ZNF609: variants seen among roughly 807,000 people sequenced by gnomAD.
ZNF609 encodes zinc finger protein 609.
Under a neutral mutation model 109.5 loss-of-function variants are expected in ZNF609, and 11 were observed. The ratio of observed to expected loss-of-function variants is 0.10; its 90% confidence interval spans 0.06 to 0.17. ZNF609 has a LOEUF of 0.17. Ranked by LOEUF, ZNF609 falls within the 10% of genes least tolerant of loss-of-function variation. The pLI is 1.00. For missense variants in ZNF609, 1,559 were observed against 1,772.4 expected, an observed-to-expected ratio of 0.88 and a Z score of 2.16; for synonymous variants, 646 against 662.0, an observed-to-expected ratio of 0.98 and a Z score of 0.37.
rs1434667226 is a variant in ZNF609, at chr15:64,579,565, T to A, written c.748-43262T>A. ...GTCTCTACTAAAAGTACAAAAAAAA[T>A]TAGGTGTGGTGGTAGGTGCCTGTAG... On this transcript the variant is annotated intron_variant, in intron 2 of 9. Transcript: ENST00000326648. 2.0e-5 allele frequency among the ~76,000 whole-genome samples: 3 copies of A among 151,350 alleles called. No individual in the cohort carries two copies. The East Asian group carries it at 5.8e-4, about 29-fold the overall frequency.
chr15:64,586,089 C>T (rs1201571677), intron 2 of ZNF609, among the ~76,000 whole-genome samples: 1 of 152,122 alleles, frequency 6.6e-6, no homozygotes, highest in East Asian at 1.9e-4. Context: ...CTTTGGGAGG[C>T]TGAGGAGGGC....
rs1376314378 is a variant in ZNF609, at chr15:64,682,445, T to C, written c.*759T>C. ...CTCCCCAGGGACACTGGGAGCAAGC[T>C]GGTGCTGGAGCATGAATGACGTCTG... On this transcript the variant is annotated 3_prime_UTR_variant, in exon 10 of 10. Transcript: ENST00000326648. The C allele has an allele frequency of 6.5e-6, 1 of 152,694 alleles. No homozygotes were observed. The highest frequency in any genetic ancestry group is 1.5e-5 in the Non-Finnish European group (1 of 68,066). 9.5% of individuals were successfully genotyped at this position (152,694 alleles called of 1,614,324 possible).
chr15:64,573,479 C>T (rs759540553), intron 2 of ZNF609, among the ~76,000 whole-genome samples: 43 of 150,724 alleles, frequency 2.9e-4, no homozygotes, highest in Middle Eastern at 3.4e-3. Context: ...CTCAGCCTCC[C>T]GAGTAGCTGG....
At chr15:64,581,613 G>T (rs900206105) in intron 2 of ZNF609, among the ~76,000 whole-genome samples, 1 of 152,120 alleles carries the variant, frequency 6.6e-6, no homozygotes, top group Admixed American at 6.5e-5. Context: ...CCCTGGGAAT[G>T]AAGCTTCACA....
chr15:64,564,305 G>A (rs1029055979), intron 2 of ZNF609, among the ~76,000 whole-genome samples: 1 of 152,060 alleles, frequency 6.6e-6, no homozygotes, highest in Non-Finnish European at 1.5e-5. Flanking sequence ...TAAGGGTAGG[G>A]GGGACTACTG....
chr15:64,517,570 C>T (rs1408798593), intron 2 of ZNF609, among the ~76,000 whole-genome samples: 1 of 151,950 alleles, frequency 6.6e-6, no homozygotes, highest in Non-Finnish European at 1.5e-5. Context: ...TGTGCTGGCA[C>T]TTAGGATAAA....
At chr15:64,664,418 A>G (rs1896619437) in intron 3 of ZNF609, among the ~76,000 whole-genome samples, 1 of 152,170 alleles carries the variant, frequency 6.6e-6, no homozygotes, top group Non-Finnish European at 1.5e-5. Context: ...CTAGAGAAAC[A>G]CGGAGCACTA....
chr15:64,600,294 C>T (rs1462157285), intron 2 of ZNF609, among the ~76,000 whole-genome samples: 1 of 151,390 alleles, frequency 6.6e-6, no homozygotes, highest in Non-Finnish European at 1.5e-5. Context: ...ACTAAAAATA[C>T]AAAAAATTAG....
chr15:64,631,236 T>G, intron 3 of ZNF609: 2 of 641,230 alleles, frequency 3.1e-6, no homozygotes, highest in South Asian at 2.9e-5. Context: ...CTCTTTGGCT[T>G]CTTTCTTTTT....
At chr15:64,516,797 T>A (rs1893818210) in intron 2 of ZNF609, among the ~76,000 whole-genome samples, 1 of 152,224 alleles carries the variant, frequency 6.6e-6, no homozygotes, top group African/African-American at 2.4e-5. Flanking sequence ...TGGTTCCTTA[T>A]AATTGCATTT....
intron 2 of ZNF609, among the ~76,000 whole-genome samples, chr15:64,528,381 T>A (rs549520481): frequency 7.3e-5 from 11 of 150,040 alleles, no homozygotes; most frequent in Non-Finnish European, 1.2e-4. Flanking sequence ...TTTAAAAAAA[T>A]TTATTATTAT....
At chr15:64,650,299 C>T (rs1489114064) in intron 3 of ZNF609, among the ~76,000 whole-genome samples, 2 of 151,172 alleles carry the variant, frequency 1.3e-5, no homozygotes, top group African/African-American at 4.9e-5. Context: ...CACCTGTAGT[C>T]CCAGCTACTT....
At chr15:64,520,637 C>G (rs1199736537) in intron 2 of ZNF609, among the ~76,000 whole-genome samples, 1 of 151,200 alleles carries the variant, frequency 6.6e-6, no homozygotes, top group African/African-American at 2.4e-5. Flanking sequence ...TTTTTTTTCC[C>G]ACACGTTCTG....
rs76300921 is a variant in ZNF609, at chr15:64,668,131, A to C, written c.974-2215A>C. Among the ~76,000 whole-genome samples the C allele has an allele frequency of 5.9e-3, 904 of 152,332 alleles. 6 individuals carry two copies. The highest frequency in any genetic ancestry group is 0.019 in the African/African-American group (785 of 41,568). On this transcript the variant is annotated intron_variant, in intron 3 of 9. Transcript: ENST00000326648. ...GTGATGAGACAGAGAAAGGGGAAAA[A>C]GTAATAACAAAGACATTCCACTCAA...
chr15:64,589,289 C>T (rs947599488), intron 2 of ZNF609, among the ~76,000 whole-genome samples: 5 of 152,138 alleles, frequency 3.3e-5, no homozygotes, highest in African/African-American at 1.2e-4. Flanking sequence ...CTACTGATAT[C>T]AGGCTAATCA....
chr15:64,517,184 T>A (rs1035430717), intron 2 of ZNF609, among the ~76,000 whole-genome samples: 1 of 152,154 alleles, frequency 6.6e-6, no homozygotes, highest in Non-Finnish European at 1.5e-5. Context: ...AAGACCAGCC[T>A]GGTCAACATG....
chr15:64,556,639 A>G (rs181395610), intron 2 of ZNF609, among the ~76,000 whole-genome samples: 2 of 152,206 alleles, frequency 1.3e-5, no homozygotes, highest in Non-Finnish European at 2.9e-5. Flanking sequence ...CTAAATACTT[A>G]GCACTGCTTT....
chr15:64,509,534 A>G (rs760415395), intron 2 of ZNF609, among the ~76,000 whole-genome samples: 21 of 152,372 alleles, frequency 1.4e-4, no homozygotes, highest in African/African-American at 3.6e-4. Context: ...TTGGAAAACA[A>G]TGAATTTATG....
chr15:64,513,118 T>C (rs1051594934), intron 2 of ZNF609, among the ~76,000 whole-genome samples: 2 of 152,214 alleles, frequency 1.3e-5, no homozygotes, highest in Non-Finnish European at 2.9e-5. Context: ...AGAAGTTATA[T>C]TAATCTGTAC....
Sources: gnomAD v4.1 joint callset for allele counts (sites outside exome capture counted in the v4.1 genomes callset) on GRCh38, gnomAD v4.1.1 for gene constraint, MANE v1.5 for transcripts, NCBI Gene and HGNC (gene_info 2026-07-23, HGNC 2026-07-21) for gene names.